Variants in SORCS2 observed in about 807,000 individuals in gnomAD.
SORCS2 encodes the protein sortilin related VPS10 domain containing receptor 2.
A neutral mutation model predicts 141.6 loss-of-function variants in SORCS2; 100 were observed. The ratio of observed to expected loss-of-function variants is 0.71; its 90% CI spans 0.60 to 0.83. The LOEUF (loss-of-function observed/expected upper bound fraction) is 0.83. SORCS2 is among the 40% of genes least tolerant of loss of function. SORCS2 has a pLI of 0.00. For synonymous variants in SORCS2, 789 were observed against 676.9 expected (o/e 1.17, Z -2.57); for missense variants, 1,646 against 1,560.2 (o/e 1.05, Z -0.93).
chr4:7,443,297 C>G (rs1727792812), intron 2 of SORCS2, among the ~76,000 whole-genome samples: 1 of 152,160 alleles, frequency 6.6e-6, no homozygotes, highest in African/African-American at 2.4e-5. Context: ...AGCCTTGGCC[C>G]TAAGAAGTCT....
chr4:7,600,697 ACG>A (rs1560417012), intron 3 of SORCS2, among the ~76,000 whole-genome samples: 1 of 140,468 alleles, frequency 7.1e-6, no homozygotes, highest in Non-Finnish European at 1.6e-5. Flanking sequence ...ACACACACAC[ACG>A]ATTAAAATGC....
chr4:7,441,686 C>A (rs1727678292), intron 2 of SORCS2, among the ~76,000 whole-genome samples: 1 of 149,360 alleles, frequency 6.7e-6, no homozygotes, highest in Non-Finnish European at 1.5e-5. Flanking sequence ...CCTCCTGCCC[C>A]AGCCCAGGTT....
intron 3 of SORCS2, among the ~76,000 whole-genome samples, chr4:7,586,590 C>A (rs1716552764): frequency 6.6e-6 from 1 of 152,194 alleles, no homozygotes; most frequent in Admixed American, 6.5e-5. Flanking sequence ...TTTGGTTTTT[C>A]TGTTCCTGTG....
chr4:7,352,872 C>T (rs969313068), intron 1 of SORCS2, among the ~76,000 whole-genome samples: 15 of 152,264 alleles, frequency 9.9e-5, no homozygotes, highest in African/African-American at 3.4e-4. Context: ...ACTCTGACCC[C>T]CATGTAGGTG....
intron 11 of SORCS2, among the ~76,000 whole-genome samples, chr4:7,695,256 TTAGA>T (rs200852692): frequency 3.1e-5 from 3 of 98,032 alleles, no homozygotes; most frequent in Non-Finnish European, 4.1e-5. Flanking sequence ...GGGTGGATGG[TTAGA>T]TGGATGGGTG....
At chr4:7,272,265 T>C (rs1715195488) in intron 1 of SORCS2, among the ~76,000 whole-genome samples, 1 of 152,242 alleles carries the variant, frequency 6.6e-6, no homozygotes, top group African/African-American at 2.4e-5. Context: ...CCATCTTTGC[T>C]TTGCTGTCTT....
rs1012300132 is a variant in SORCS2, at chr4:7,272,180, C to G, written c.480+79054C>G. Among the ~76,000 whole-genome samples the G allele has an allele frequency of 5.9e-5, 9 of 152,156 alleles. 1 individual carries two copies. The highest frequency in any genetic ancestry group is 2.2e-4 in the African/African-American group (9 of 41,432). On this transcript the variant is annotated intron_variant, in intron 1 of 26. Coordinates refer to ENST00000507866, the MANE Select transcript of SORCS2 (RefSeq NM_020777.3). ...ATCTTCAAGGACTCCATCCTCATTA[C>G]GATAAGATAGTATTAAAAGGCTGCG...
rs560378847 is a variant in SORCS2 at position 7,714,553 on chromosome 4, C to T, written c.2123+180C>T. Among the ~76,000 whole-genome samples the T allele has an allele frequency of 2.6e-5, 4 of 152,332 alleles. No individual in the cohort carries two copies. In the South Asian group the frequency reaches 8.3e-4, roughly 32 times the overall value. ...GTTAGAACCAAGTCACCAAGACCAGCCCACACTCCAGGAAGGAGCTTTAAG... is the reference window on the plus strand; with the variant it reads ...GTTAGAACCAAGTCACCAAGACCAGTCCACACTCCAGGAAGGAGCTTTAAG... On this transcript the variant is annotated intron_variant, in intron 16 of 26. Coordinates refer to ENST00000507866, the MANE Select transcript of SORCS2 (RefSeq NM_020777.3).
At chr4:7,581,547 G>C (rs771214862) in intron 3 of SORCS2, among the ~76,000 whole-genome samples, 4 of 152,174 alleles carry the variant, frequency 2.6e-5, no homozygotes, top group Non-Finnish European at 4.4e-5. Context: ...AGGAGCCCCC[G>C]TTGTGAGTAT....
At chr4:7,736,214 G>C (rs1283210629) in intron 25 of SORCS2, among the ~76,000 whole-genome samples, 1 of 152,256 alleles carries the variant, frequency 6.6e-6, no homozygotes, top group East Asian at 1.9e-4. Flanking sequence ...ATGCCCCTGG[G>C]GCCCGGCAGG....
At chr4:7,308,771 C>T (rs1284584611) in intron 1 of SORCS2, among the ~76,000 whole-genome samples, 1 of 151,904 alleles carries the variant, frequency 6.6e-6, no homozygotes, top group Non-Finnish European at 1.5e-5. Flanking sequence ...GCTCCAGCAC[C>T]CTGTCCTCTC....
intron 1 of SORCS2, among the ~76,000 whole-genome samples, chr4:7,314,806 T>C (rs1297298791): frequency 1.7e-5 from 1 of 60,078 alleles, no homozygotes; most frequent in African/African-American, 8.9e-5. Context: ...TTCTGTTTTT[T>C]TTTTTTTTTT....
At chr4:7,389,050 C>A (rs1723688738) in intron 1 of SORCS2, among the ~76,000 whole-genome samples, 1 of 152,232 alleles carries the variant, frequency 6.6e-6, no homozygotes. Flanking sequence ...TGCCCGTGCC[C>A]CACTGCGGGT....
intron 2 of SORCS2, among the ~76,000 whole-genome samples, chr4:7,525,914 CCT>C (rs1237055426): frequency 7.6e-6 from 1 of 131,120 alleles, no homozygotes; most frequent in Admixed American, 7.4e-5. Flanking sequence ...CCTGCAGTCA[CCT>C]GTCCCCTCCT....
chr4:7,531,395 G>A, intron 2 of SORCS2, 135 bp from the exon 3 acceptor site: 1 of 701,854 alleles, frequency 1.4e-6, no homozygotes, highest in South Asian at 1.9e-5. Flanking sequence ...CCCAGGCAGA[G>A]TGCCCAGGAC....
chr4:7,226,293 T>C lies in SORCS2; in HGVS notation c.480+33167T>C, dbSNP rs79692839. ...GGAGAGGTATGCAGCCAGCCTGAGG[T>C]CACAAAGCCCAAGGAGCAGAGCCTG... On this transcript the variant is annotated intron_variant, in intron 1 of 26. Transcript: ENST00000507866. Among the ~76,000 whole-genome samples the C allele has an allele frequency of 7.0e-3, 1,057 of 152,070 alleles. 15 individuals carry two copies. The highest frequency in any genetic ancestry group is 0.023 in the African/African-American group (973 of 41,460).
At position 7,664,311 on chromosome 4, in the gene SORCS2, G is replaced by A. The variant is rs748157831; in HGVS notation, c.953-42G>A. On this transcript the variant is annotated intron_variant, in intron 6 of 26. Transcript: ENST00000507866. The surrounding 1 kb of genome is among the most constrained non-coding windows in gnomAD (Gnocchi z 4.7). ...CATGTCTCGGGCCGTCTCTGGCTCC[G>A]GCTGGAGTCTGACCGCCTGGGTCGG... is the stretch of plus-strand genomic sequence containing the variant. 81 of 1,552,050 alleles carry A rather than the reference G, an allele frequency of 5.2e-5. 2 individuals carry two copies. The South Asian group carries it at 8.3e-4, about 16-fold the overall frequency.
chr4:7,350,432 G>C lies in SORCS2; in HGVS notation c.481-45856G>C, dbSNP rs747078917. Among the ~76,000 whole-genome samples the C allele has an allele frequency of 2.6e-5, 4 of 152,242 alleles. No individual in the cohort carries two copies. The South Asian group carries it at 6.2e-4, about 24-fold the overall frequency. On this transcript the variant is annotated intron_variant, in intron 1 of 26. Transcript: ENST00000507866. ...ACATAGACAGCTGGATCTAGGGAGG[G>C]CCTCGGGTGCCCTGCTTAGGAATTT... is the stretch of plus-strand genomic sequence containing the variant.
At chr4:7,422,356 C>T (rs532522474) in intron 2 of SORCS2, among the ~76,000 whole-genome samples, 1 of 152,326 alleles carries the variant, frequency 6.6e-6, no homozygotes, top group East Asian at 1.9e-4. Flanking sequence ...CCTCTAGGTC[C>T]TGGATGCCCT....
Sources: allele counts gnomAD v4.1 joint callset (sites outside exome capture counted in the v4.1 genomes callset), GRCh38; gene constraint gnomAD v4.1.1; non-coding constraint Gnocchi (gnomAD v3.1); transcripts MANE v1.5; gene names NCBI Gene and HGNC (gene_info 2026-07-23, HGNC 2026-07-21).